Variants in MRRF observed in about 807,000 individuals in gnomAD.
MRRF encodes ribosome-recycling factor, mitochondrial.
MRRF carries 18 observed loss-of-function variants against 25.1 expected under a neutral mutation model. The observed-to-expected ratio is 0.72, with a 90% CI of 0.50 to 1.06. The LOEUF (loss-of-function observed/expected upper bound fraction) is 1.06, where lower values mean the gene tolerates loss of function less well. Ranked by LOEUF, MRRF falls within the 50% of genes least tolerant of loss-of-function variation. The pLI, the probability that MRRF is intolerant of heterozygous loss-of-function variation, is 0.00. For missense variants in MRRF, 323 were observed against 319.3 expected (o/e 1.01, Z -0.09); for synonymous variants, 113 against 112.1 (o/e 1.01, Z -0.05).
chr9:122,310,035 G>A (rs891944290), intron 5 of MRRF, among the ~76,000 whole-genome samples: 3 of 152,222 alleles, frequency 2.0e-5, no homozygotes, highest in African/African-American at 7.2e-5. Context: ...TTTCCTGAGT[G>A]TTTATTCTCT....
chr9:122,285,429 G>A, intron 4 of MRRF, 142 bp downstream of exon 4: 1 of 749,468 alleles, frequency 1.3e-6, no homozygotes, highest in South Asian at 1.4e-5. Context: ...ATAAGGCAAA[G>A]CTCTTTTCCT....
rs73663066 is a variant in MRRF, at chr9:122,316,015, T to C, written c.711+2629T>C. ...TTTAAGTGAAAATAGCTGTATTCGT[T>C]TTGCTGTTAAAACAAGGAAGAAAGT... is the stretch of plus-strand genomic sequence containing the variant. On this transcript the variant is annotated intron_variant, in intron 6 of 6. Coordinates refer to ENST00000344641, the MANE Select transcript of MRRF (RefSeq NM_138777.5). Among the ~76,000 whole-genome samples, 512 of 152,308 alleles carry C rather than the reference T, an allele frequency of 3.4e-3. 4 individuals carry two copies. The highest frequency in any genetic ancestry group is 0.012 in the African/African-American group (488 of 41,570).
chr9:122,298,767 A>G (rs1834247511), intron 5 of MRRF, among the ~76,000 whole-genome samples: 1 of 152,118 alleles, frequency 6.6e-6, no homozygotes, highest in South Asian at 2.1e-4. Flanking sequence ...TACTGGGGAG[A>G]TGGTTAACAA....
rs1346136700 is a variant in MRRF at position 122,330,645 on chromosome 9, G to T, written c.*8028G>T. ...TAAGTTACATGTCCAGAGACACACA[G>T]AGGGCCTAGTGCAGTAGCTCATGCC... On this transcript the variant is annotated 3_prime_UTR_variant, in exon 7 of 7. Transcript: ENST00000344641. This position sits in a 1 kb window ranked among gnomAD's most constrained non-coding sequence, Gnocchi z 4.2. The T allele has an allele frequency of 6.6e-6, 1 of 152,268 alleles. No homozygotes were observed. The highest frequency in any genetic ancestry group is 2.4e-5 in the African/African-American group (1 of 41,460). The allele number at this position is 152,268 out of a possible 1,614,324, so 9.4% of individuals were successfully genotyped here.
At chr9:122,288,125 A>C (rs1170283456) in intron 4 of MRRF, among the ~76,000 whole-genome samples, 1 of 152,242 alleles carries the variant, frequency 6.6e-6, no homozygotes, top group Non-Finnish European at 1.5e-5. Flanking sequence ...CTGCTTGATA[A>C]ATGATACACA....
At chr9:122,288,785 T>G (rs1171518826) in intron 4 of MRRF, among the ~76,000 whole-genome samples, 1 of 152,256 alleles carries the variant, frequency 6.6e-6, no homozygotes, top group Non-Finnish European at 1.5e-5. Flanking sequence ...TTTTTGTTGT[T>G]GTTGCTATTT....
chr9:122,313,375 A>G lies in MRRF; in HGVS notation c.700A>G (p.Ile234Val), dbSNP rs1266929785. ...DTVSEDTIRL[I>V]EKQISQMADD... is the part of the protein sequence containing the mutation. Reference sequence around the variant, plus strand: ...AGTCTCAGAGGACACCATTAGGCTAATAGAGAAACAGGTACTATTGCCAGC... The same window carrying G: ...AGTCTCAGAGGACACCATTAGGCTAGTAGAGAAACAGGTACTATTGCCAGC... The change falls in exon 6 of 7, where the codon ATA becomes GTA. Residue 234 changes from isoleucine (I) to valine (V), a missense_variant. Transcript: ENST00000344641. 5 of 1,613,946 alleles carry G rather than the reference A, an allele frequency of 3.1e-6. No individual in the cohort carries two copies. Among genetic ancestry groups the G allele is most frequent in the Admixed American group, 1.7e-5 (1 of 60,010 alleles).
At chr9:122,285,315 C>A in intron 4 of MRRF, 28 bp downstream of exon 4, 1 of 1,358,586 alleles carries the variant, frequency 7.4e-7, no homozygotes, top group Non-Finnish European at 1.1e-6. Context: ...AAATCTCTCT[C>A]CGTGGTCTCT....
In MRRF at chr9:122,313,222, A is replaced by G. The variant is rs778743486; in HGVS notation, c.552-5A>G. 1 of 1,613,824 alleles carries G rather than the reference A, an allele frequency of 6.2e-7. No individual in the cohort carries two copies. The highest frequency in any genetic ancestry group is 1.1e-5 in the South Asian group (1 of 91,068). On this transcript the variant is annotated splice_region_variant and splice_polypyrimidine_tract_variant and intron_variant, in intron 5 of 6. Transcript: ENST00000344641. ...TTTTGTTGAATGTCTTTTGTCTTTT[A>G]TCAGAGTAACCAGAGAGCACAGAGA...
intron 1 of MRRF, chr9:122,265,493 T>G: frequency 2.9e-6 from 1 of 340,366 alleles, no homozygotes; most frequent in South Asian, 2.3e-5. Flanking sequence ...TTTGACCGAT[T>G]TAAGGTCACG....
chr9:122,282,019 A>C (rs1405886638), intron 3 of MRRF, among the ~76,000 whole-genome samples: 1 of 152,234 alleles, frequency 6.6e-6, no homozygotes, highest in African/African-American at 2.4e-5. Flanking sequence ...GACTGAATTA[A>C]GATCCATTTC....
At chr9:122,295,992 A>C (rs908011135) in intron 5 of MRRF, among the ~76,000 whole-genome samples, 26 of 152,184 alleles carry the variant, frequency 1.7e-4, no homozygotes, top group Admixed American at 7.2e-4. Context: ...TGTGACTCTT[A>C]ACTATAATCT....
At chr9:122,308,475 G>A (rs1019508529) in intron 5 of MRRF, among the ~76,000 whole-genome samples, 1 of 150,226 alleles carries the variant, frequency 6.7e-6, no homozygotes, top group African/African-American at 2.5e-5. Flanking sequence ...GAGGCAGGCA[G>A]ATCACTTAAG....
chr9:122,318,254 G>T (rs1835663443), intron 6 of MRRF, among the ~76,000 whole-genome samples: 1 of 150,998 alleles, frequency 6.6e-6, no homozygotes, highest in Non-Finnish European at 1.5e-5. Context: ...CCGCATTCCA[G>T]GCAAGCTCTG....
chr9:122,288,397 G>A (rs983562861), intron 4 of MRRF, among the ~76,000 whole-genome samples: 3 of 152,090 alleles, frequency 2.0e-5, no homozygotes, highest in East Asian at 1.9e-4. Flanking sequence ...GTAAAATTAG[G>A]CATTATTTAT....
rs1482697279 is a variant in MRRF at position 122,285,297 on chromosome 9, C to T, written c.459+10C>T. On this transcript the variant is annotated intron_variant, in intron 4 of 6. Coordinates refer to ENST00000344641, the MANE Select transcript of MRRF (RefSeq NM_138777.5). ...GGCCAGCTTCCCAGAGGTAAGATGG[C>T]CTTGCTAAAATCTCTCTCCGTGGTC... 5.9e-6 allele frequency: 9 copies of T among 1,527,954 alleles called. No individual in the cohort carries two copies. The highest frequency in any genetic ancestry group is 7.3e-6 in the Non-Finnish European group (8 of 1,101,580). 94.6% of individuals were successfully genotyped at this position (1,527,954 alleles called of 1,614,324 possible). A position where few individuals can be genotyped will look rare whatever the true frequency, so the allele number is the denominator to read the frequency against.
At chr9:122,273,848 G>A (rs1430022902) in intron 2 of MRRF, among the ~76,000 whole-genome samples, 1 of 152,084 alleles carries the variant, frequency 6.6e-6, no homozygotes, top group African/African-American at 2.4e-5. Context: ...TCCATGTTGT[G>A]CACATAATGG....
At position 122,270,811 on chromosome 9, in the gene MRRF, G is replaced by C. The variant is rs1053470712; in HGVS notation, c.-28-53G>C. On this transcript the variant is annotated intron_variant, in intron 1 of 6. Coordinates refer to ENST00000344641, the MANE Select transcript of MRRF (RefSeq NM_138777.5). The stretch of plus-strand genomic sequence containing the variant: ...TGGTACGAATTACCTGAAGTTGCAA[G>C]CTTTGTACTTAGATCTTTTACTTAG... 7.7e-6 allele frequency: 11 copies of C among 1,432,076 alleles called. No individual in the cohort carries two copies. The Admixed American group carries it at 1.2e-4, about 15-fold the overall frequency. 88.7% of individuals were successfully genotyped at this position (1,432,076 alleles called of 1,614,324 possible).
intron 5 of MRRF, among the ~76,000 whole-genome samples, chr9:122,307,887 C>G (rs1480829220): frequency 6.6e-6 from 1 of 152,190 alleles, no homozygotes; most frequent in Non-Finnish European, 1.5e-5. Flanking sequence ...ATTACCTGAG[C>G]TGAGCCTGGC....
Sources: gnomAD v4.1 joint callset for allele counts (sites outside exome capture counted in the v4.1 genomes callset) on GRCh38, gnomAD v4.1.1 for gene constraint, Gnocchi (gnomAD v3.1) non-coding constraint, MANE v1.5 for transcripts, NCBI Gene and HGNC (gene_info 2026-07-23, HGNC 2026-07-21) for gene names.